Variants in MYO16 observed in about 807,000 individuals in gnomAD.
The protein encoded by MYO16 is myosin XVI.
MYO16 carries 94 observed loss-of-function variants against 205.3 expected under a neutral mutation model. The observed-to-expected ratio is 0.46, with a 90% CI of 0.39 to 0.54. MYO16 has a LOEUF of 0.54. MYO16 is among the 20% of genes least tolerant of loss of function. MYO16 has a pLI of 0.00. For synonymous variants in MYO16, 988 were observed against 954.0 expected, an observed-to-expected ratio of 1.04 and a Z score of -0.66; for missense variants, 2,315 against 2,387.5, an observed-to-expected ratio of 0.97 and a Z score of 0.63.
intron 2 of MYO16, among the ~76,000 whole-genome samples, chr13:108,680,931 C>T (rs1343441716): frequency 6.6e-6 from 1 of 152,198 alleles, no homozygotes; most frequent in Non-Finnish European, 1.5e-5. Flanking sequence ...TGGCCATTAA[C>T]AAATTCTTGC....
At chr13:108,832,403 A>G (rs1876670479) in intron 9 of MYO16, among the ~76,000 whole-genome samples, 1 of 151,946 alleles carries the variant, frequency 6.6e-6, no homozygotes, top group Non-Finnish European at 1.5e-5. Flanking sequence ...CAGCCTCCCA[A>G]AGTGCTAGGA....
At position 108,890,239 on chromosome 13, in the gene MYO16, G is replaced by A. The variant is rs74241595; in HGVS notation, c.1659+1762G>A. 1.7e-3 allele frequency among the ~76,000 whole-genome samples: 260 copies of A among 149,712 alleles called. 7 individuals carry two copies. The East Asian group carries it at 0.041, about 23-fold the overall frequency. On this transcript the variant is annotated intron_variant, in intron 14 of 34. Transcript: ENST00000457511. ...GATTACAGGCGTGAACCACTGCATC[G>A]TACTAAGTTTCTCTATTTCCAACAC... is the stretch of plus-strand genomic sequence containing the variant.
chr13:108,569,467 TA>T, the MYO16 span, among the ~76,000 whole-genome samples: 1 of 152,282 alleles, frequency 6.6e-6, no homozygotes. Context: ...TGTTAGCATA[TA>T]AAAATACAAT....
chr13:108,511,401 A>T, the MYO16 span, among the ~76,000 whole-genome samples: 33 of 18,738 alleles, frequency 1.8e-3, 1 homozygote, highest in African/African-American at 7.6e-3. Flanking sequence ...AGGTTGCGAA[A>T]ATTTTCTCCC....
intron 24 of MYO16, chr13:109,048,427 G>A (rs1594500960): frequency 3.1e-6 from 2 of 651,982 alleles, no homozygotes; most frequent in Middle Eastern, 2.5e-4. Context: ...TTTTGTAAAG[G>A]GCTAGAGAAT....
At chr13:108,850,928 T>A (rs1295908318) in intron 10 of MYO16, among the ~76,000 whole-genome samples, 1 of 152,200 alleles carries the variant, frequency 6.6e-6, no homozygotes, top group Non-Finnish European at 1.5e-5. Flanking sequence ...TCCACAGGAA[T>A]ACCAATGAGA....
chr13:108,550,684 T>A, the MYO16 span, among the ~76,000 whole-genome samples: 1 of 152,190 alleles, frequency 6.6e-6, no homozygotes, highest in Non-Finnish European at 1.5e-5. Context: ...GTAATGATTA[T>A]CATTTGTCTT....
In MYO16 at chr13:108,666,059, A is replaced by T; in HGVS notation, c.202A>T (p.Lys68Ter). 1 of 1,614,152 alleles carries T rather than the reference A, an allele frequency of 6.2e-7. No homozygotes were observed. Among genetic ancestry groups the T allele is most frequent in the Non-Finnish European group, 8.5e-7 (1 of 1,179,996 alleles). Residue 68 changes from lysine (K) to a stop codon, truncating the protein, a stop_gained, in exon 2 of 35, where the codon AAA (lysine) becomes TAA (stop). Transcript: ENST00000457511. LOFTEE classifies it high-confidence loss of function. ...TTTTCAGAAGCAGGAAGGGTTCCTG[A>T]AAAGGCTGAAGCATGCGAAGAATCC... ...KAFQKQEGFL[K>*]RLKHAKNPKV...
chr13:109,177,499 G>GTATT (rs540959982), intron 33 of MYO16, among the ~76,000 whole-genome samples: 7 of 151,822 alleles, frequency 4.6e-5, no homozygotes, highest in South Asian at 2.1e-4. Context: ...CTAATTTTAT[G>GTATT]TATTTATTTA....
intron 7 of MYO16, among the ~76,000 whole-genome samples, chr13:108,818,121 C>T (rs571138072): frequency 6.6e-6 from 1 of 152,120 alleles, no homozygotes; most frequent in East Asian, 1.9e-4. Context: ...CGGTGGCTCA[C>T]GCGTGTAATC....
chr13:108,776,283 G>A (rs898495286), intron 4 of MYO16, among the ~76,000 whole-genome samples: 1 of 152,120 alleles, frequency 6.6e-6, no homozygotes, highest in African/African-American at 2.4e-5. Context: ...GAAGTCAGGG[G>A]CATCCAGAAA....
the MYO16 span, among the ~76,000 whole-genome samples, chr13:108,523,310 T>C: frequency 1.3e-5 from 2 of 152,220 alleles, no homozygotes; most frequent in South Asian, 4.1e-4. Flanking sequence ...CTGAATTTCC[T>C]GGAGCCAATG....
At chr13:108,878,708 T>C (rs1189454051) in intron 12 of MYO16, among the ~76,000 whole-genome samples, 1 of 152,168 alleles carries the variant, frequency 6.6e-6, no homozygotes, top group Non-Finnish European at 1.5e-5. Context: ...GCTTCAGAAG[T>C]TGCAGGCACC....
At chr13:109,058,729 A>G (rs149182039) in intron 27 of MYO16, among the ~76,000 whole-genome samples, 53 of 152,250 alleles carry the variant, frequency 3.5e-4, no homozygotes, top group African/African-American at 1.2e-3. Flanking sequence ...ATCTCTTAAA[A>G]TGAAACAATC....
At chr13:108,559,492 T>G in the MYO16 span, among the ~76,000 whole-genome samples, 2 of 128,826 alleles carry the variant, frequency 1.6e-5, no homozygotes, top group African/African-American at 2.7e-5. Context: ...TTTTTTTTTT[T>G]GAGACGGAGT....
chr13:108,533,483 A>G, the MYO16 span, among the ~76,000 whole-genome samples: 1 of 152,334 alleles, frequency 6.6e-6, no homozygotes, highest in Non-Finnish European at 1.5e-5. Flanking sequence ...TGCATCATCA[A>G]TCATGCTTTT....
At chr13:108,742,264 G>T (rs953567942) in intron 4 of MYO16, among the ~76,000 whole-genome samples, 4 of 152,002 alleles carry the variant, frequency 2.6e-5, no homozygotes, top group African/African-American at 9.7e-5. Flanking sequence ...AAAGTGCTGG[G>T]ATTACAGATG....
chr13:109,140,211 G>A lies in MYO16; in HGVS notation c.4052-53G>A. The A allele has an allele frequency of 6.3e-7, 1 of 1,580,910 alleles. No homozygotes were observed. Among genetic ancestry groups the A allele is most frequent in the Non-Finnish European group, 8.5e-7 (1 of 1,171,710 alleles). ...TCCGAGTCGAGCCCCGGGCTTGGTG[G>A]GCACCCGTGGGCCTGGCCTGGCACC... On this transcript the variant is annotated intron_variant, in intron 31 of 34. Coordinates refer to ENST00000457511, the MANE Select transcript of MYO16 (RefSeq NM_001198950.3). This position sits in a 1 kb window ranked among gnomAD's most constrained non-coding sequence, Gnocchi z 8.0.
chr13:108,777,436 G>C (rs1051111620), intron 4 of MYO16, among the ~76,000 whole-genome samples: 1 of 152,198 alleles, frequency 6.6e-6, no homozygotes, highest in African/African-American at 2.4e-5. Flanking sequence ...CCACATCGGG[G>C]AGAGTATCTG....
Sources: allele counts gnomAD v4.1 joint callset (sites outside exome capture counted in the v4.1 genomes callset), GRCh38; gene constraint gnomAD v4.1.1; non-coding constraint Gnocchi (gnomAD v3.1); transcripts MANE v1.5; gene names NCBI Gene and HGNC (gene_info 2026-07-23, HGNC 2026-07-21).